PTPRD: variants seen among roughly 807,000 people sequenced by gnomAD.
The protein encoded by PTPRD is receptor-type tyrosine-protein phosphatase delta.
In PTPRD, 34 loss-of-function variants were observed where a neutral mutation model predicts 214.5. The ratio of observed to expected loss-of-function variants is 0.16; its 90% CI spans 0.12 to 0.21. The LOEUF is 0.21. Ranked by LOEUF, PTPRD falls within the 10% of genes least tolerant of loss-of-function variation. The pLI, the probability that PTPRD is intolerant of heterozygous loss-of-function variation, is 1.00. For missense variants in PTPRD, 2,545 were observed against 2,398.7 expected (o/e 1.06, Z -1.27); for synonymous variants, 1,128 against 845.7 (o/e 1.33, Z -5.79).
chr9:9,099,403 C>T (rs2099788201), intron 10 of PTPRD, among the ~76,000 whole-genome samples: 1 of 152,082 alleles, frequency 6.6e-6, no homozygotes, highest in Admixed American at 6.6e-5. Flanking sequence ...TATTGCTAAT[C>T]ATGTTTGTCT....
At chr9:10,337,686 C>T (rs1185913535) in intron 3 of PTPRD, among the ~76,000 whole-genome samples, 3 of 151,762 alleles carry the variant, frequency 2.0e-5, no homozygotes, top group East Asian at 3.9e-4. Context: ...CTTATTTATA[C>T]TTATGTGTCA....
intron 8 of PTPRD, among the ~76,000 whole-genome samples, chr9:9,407,420 A>G (rs997015869): frequency 2.0e-5 from 3 of 151,768 alleles, no homozygotes; most frequent in African/African-American, 4.8e-5. Context: ...TAATTGTGAT[A>G]CATGTAAAAG....
At chr9:8,827,988 A>G (rs1054327454) in intron 11 of PTPRD, among the ~76,000 whole-genome samples, 2 of 152,204 alleles carry the variant, frequency 1.3e-5, no homozygotes, top group Non-Finnish European at 2.9e-5. Flanking sequence ...ATAATAATAT[A>G]TTCAATACTG....
intron 36 of PTPRD, among the ~76,000 whole-genome samples, chr9:8,399,225 A>G (rs2091922630): frequency 6.6e-6 from 1 of 151,842 alleles, no homozygotes; most frequent in Admixed American, 6.6e-5. Context: ...GATGGTAGAG[A>G]TGGTCTTACA....
At chr9:8,781,549 T>C (rs1288258851) in intron 11 of PTPRD, among the ~76,000 whole-genome samples, 1 of 152,126 alleles carries the variant, frequency 6.6e-6, no homozygotes, top group Non-Finnish European at 1.5e-5. Context: ...AAAAAAGCAT[T>C]ATCCAAAGCA....
At chr9:9,083,413 T>C (rs1256548194) in intron 10 of PTPRD, among the ~76,000 whole-genome samples, 2 of 152,100 alleles carry the variant, frequency 1.3e-5, no homozygotes, top group African/African-American at 4.8e-5. Flanking sequence ...AAAGATGGAT[T>C]AAAGACTTCA....
chr9:10,390,766 G>A (rs1365710927), intron 2 of PTPRD, among the ~76,000 whole-genome samples: 1 of 151,626 alleles, frequency 6.6e-6, no homozygotes, highest in African/African-American at 2.4e-5. Flanking sequence ...CCCCAGGCTT[G>A]CTCTTATCTG....
chr9:10,007,349 T>C (rs2096501160), intron 4 of PTPRD, among the ~76,000 whole-genome samples: 1 of 152,066 alleles, frequency 6.6e-6, no homozygotes, highest in South Asian at 2.1e-4. Flanking sequence ...TTTAACTCTA[T>C]AGAAGATGAT....
intron 2 of PTPRD, among the ~76,000 whole-genome samples, chr9:10,388,073 T>C (rs1052718319): frequency 1.3e-5 from 2 of 151,712 alleles, no homozygotes; most frequent in Admixed American, 1.3e-4. Context: ...AGCAGAGAAT[T>C]GCAACTTACA....
intron 3 of PTPRD, among the ~76,000 whole-genome samples, chr9:10,084,606 A>G (rs1320470723): frequency 6.6e-6 from 1 of 151,982 alleles, no homozygotes; most frequent in African/African-American, 2.4e-5. Context: ...CTAGTTGGAA[A>G]GAACACTTGA....
At chr9:8,750,156 A>G (rs1465734629) in intron 11 of PTPRD, among the ~76,000 whole-genome samples, 4 of 152,050 alleles carry the variant, frequency 2.6e-5, no homozygotes, top group Non-Finnish European at 5.9e-5. Flanking sequence ...TAGGAGATAG[A>G]AAAATACAAG....
At chr9:10,255,334 G>A (rs2498614) in intron 3 of PTPRD, among the ~76,000 whole-genome samples, 1 of 152,016 alleles carries the variant, frequency 6.6e-6, no homozygotes, top group Non-Finnish European at 1.5e-5. Context: ...CTATTGCTCC[G>A]AGGCTACAAA....
intron 10 of PTPRD, among the ~76,000 whole-genome samples, chr9:9,104,686 G>T (rs1418057576): frequency 6.6e-6 from 1 of 152,180 alleles, no homozygotes; most frequent in Non-Finnish European, 1.5e-5. Context: ...ATTACTTGGT[G>T]CTCAGTGTCT....
intron 5 of PTPRD, among the ~76,000 whole-genome samples, chr9:9,830,606 T>C (rs2054505875): frequency 6.6e-6 from 1 of 151,960 alleles, no homozygotes; most frequent in African/African-American, 2.4e-5. Flanking sequence ...GAGCTTCCTC[T>C]TCTCATGTAC....
intron 10 of PTPRD, among the ~76,000 whole-genome samples, chr9:9,094,648 C>G (rs1326837299): frequency 6.6e-6 from 1 of 152,006 alleles, no homozygotes; most frequent in African/African-American, 2.4e-5. Flanking sequence ...AACAAAAAAC[C>G]ACCTGTACAC....
intron 3 of PTPRD, among the ~76,000 whole-genome samples, chr9:10,335,668 T>C (rs911604703): frequency 6.6e-6 from 1 of 151,730 alleles, no homozygotes; most frequent in Admixed American, 6.6e-5. Flanking sequence ...AGCCAGTGAC[T>C]GTAAGAAAAT....
rs79748522 is a variant in PTPRD, at chr9:8,537,617, T to C, written c.353-8838A>G. Among the ~76,000 whole-genome samples, 98 of 152,096 alleles carry C rather than the reference T, an allele frequency of 6.4e-4. 1 individual carries two copies. The East Asian group carries it at 8.5e-3, about 13-fold the overall frequency. ...CTCATAGAATTATGCCATGCAGGAATAGAAAATTGGACATTGTTAAGCTAA... is the reference window on the plus strand; with the variant it reads ...CTCATAGAATTATGCCATGCAGGAACAGAAAATTGGACATTGTTAAGCTAA... On this transcript the variant is annotated intron_variant, in intron 14 of 45. Transcript: ENST00000381196.
chr9:10,564,171 C>CTTTTTTTTTTTTTTTTTT lies in PTPRD; in HGVS notation c.-600+48209_-600+48226dup, dbSNP rs71332760. Among the ~76,000 whole-genome samples, 221 of 29,396 alleles carry CTTTTTTTTTTTTTTTTTT rather than the reference C, an allele frequency of 7.5e-3. 66 individuals carry two copies. The highest frequency in any genetic ancestry group is 0.028 in the East Asian group (24 of 846). The allele number at this position is 29,396 out of a possible 152,430, so 19.3% of individuals were successfully genotyped here. On this transcript the variant is annotated intron_variant, in intron 2 of 45. Transcript: ENST00000381196. The stretch of plus-strand genomic sequence containing the variant: ...GTGTGCACCACCACACTAGGCTATT[C>CTTTTTTTTTTTTTTTTTT]TTTTTTTTTTTTTTTTTTTTTTTTG...
chr9:8,887,814 G>A (rs373986886), intron 11 of PTPRD, among the ~76,000 whole-genome samples: 1 of 152,068 alleles, frequency 6.6e-6, no homozygotes, highest in Non-Finnish European at 1.5e-5. Flanking sequence ...ATACACAGAA[G>A]TGTCCACCTT....
Sources: allele counts gnomAD v4.1 joint callset (sites outside exome capture counted in the v4.1 genomes callset), GRCh38; gene constraint gnomAD v4.1.1; transcripts MANE v1.5; gene names NCBI Gene and HGNC (gene_info 2026-07-23, HGNC 2026-07-21).